Variants in XRN1 observed in about 807,000 individuals in gnomAD.
The protein encoded by XRN1 is strand-exchange protein 1 homolog.
Under a neutral mutation model 222.3 loss-of-function variants are expected in XRN1, and 67 were observed. The observed-to-expected ratio is 0.30, with a 90% confidence interval of 0.25 to 0.37. The LOEUF (loss-of-function observed/expected upper bound fraction) is 0.37. XRN1 is among the 10% of genes least tolerant of loss of function. The pLI is 1.00. For synonymous variants in XRN1, 643 were observed against 652.4 expected (o/e 0.99, Z 0.22); for missense variants, 1,707 against 2,000.2 (o/e 0.85, Z 2.80).
chr3:142,364,342 T>A (rs1363965962), intron 29 of XRN1, among the ~76,000 whole-genome samples: 2 of 152,136 alleles, frequency 1.3e-5, no homozygotes, highest in Non-Finnish European at 2.9e-5. Flanking sequence ...TGGCACTAAC[T>A]TTTTTTGAAT....
At chr3:142,323,461 C>T (rs913745484) in intron 37 of XRN1, among the ~76,000 whole-genome samples, 6 of 151,880 alleles carry the variant, frequency 4.0e-5, no homozygotes, top group African/African-American at 9.7e-5. Flanking sequence ...GGATTACAGA[C>T]GTGAGATACC....
chr3:142,383,392 G>A lies in XRN1; in HGVS notation c.2524C>T (p.Arg842Cys), dbSNP rs781322995. Residue 842 changes from arginine to cysteine, a missense_variant, in exon 22 of 41, where the codon CGT (arginine) becomes TGT (cysteine). Physicochemically the swap from Arg to Cys is radical, Grantham distance 180. Coordinates refer to ENST00000392981, the MANE Select transcript of XRN1 (RefSeq NM_001282857.2). ...IVKDIRAFDS[R>C]FSNIKTLDDL... Reference sequence around the variant, plus strand: ...TCCAATGTTTTGATATTGGAGAAACGGGAGTCGAAAGCTCGGATGTCCTAC... The same window carrying A: ...TCCAATGTTTTGATATTGGAGAAACAGGAGTCGAAAGCTCGGATGTCCTAC... 5.0e-6 allele frequency: 8 copies of A among 1,613,492 alleles called. No individual in the cohort carries two copies. The highest frequency in any genetic ancestry group is 3.3e-5 in the Admixed American group (2 of 59,850).
At chr3:142,387,857 T>TA (rs1434061757) in intron 20 of XRN1, among the ~76,000 whole-genome samples, 1 of 152,040 alleles carries the variant, frequency 6.6e-6, no homozygotes, top group Non-Finnish European at 1.5e-5. Context: ...AACTGACTGT[T>TA]AAAAAGAACC....
intron 14 of XRN1, among the ~76,000 whole-genome samples, chr3:142,413,441 G>C (rs983661275): frequency 5.3e-5 from 8 of 152,138 alleles, no homozygotes; most frequent in African/African-American, 1.7e-4. Flanking sequence ...TTAAGGTTCA[G>C]AAAGATGCAG....
In XRN1 at chr3:142,311,634, A is replaced by C; in HGVS notation, c.4962T>G (p.Phe1654Leu). ...SSPIAQPASSFQVETASQGHS... is the reference protein window; with the variant it reads ...SSPIAQPASSLQVETASQGHS... ...GGCCTTGAGAGGCAGTTTCAACTTG[A>C]AAAGAAGATGCAGGTTGAGCAATCG... The change falls in exon 41 of 41, where the codon TTT becomes TTG. Residue 1654 changes from phenylalanine to leucine, a missense_variant. Physicochemically the swap from Phe to Leu is conservative, Grantham distance 22. Around this residue, in one of 2 missense-constraint regions of XRN1, gnomAD observed 473 missense variants for 482.0 expected, o/e 0.98. Transcript: ENST00000392981. The C allele has an allele frequency of 6.2e-7, 1 of 1,614,140 alleles. No individual in the cohort carries two copies.
chr3:142,360,944 C>T (rs1284493726), intron 29 of XRN1, among the ~76,000 whole-genome samples: 1 of 151,458 alleles, frequency 6.6e-6, no homozygotes. Flanking sequence ...TGATACACTG[C>T]ACATATCTGA....
chr3:142,388,938 T>C (rs1440139334), intron 20 of XRN1, among the ~76,000 whole-genome samples: 7 of 152,250 alleles, frequency 4.6e-5, no homozygotes, highest in Admixed American at 2.6e-4. Context: ...CCGGGTGCAT[T>C]GGCTCATGCC....
intron 8 of XRN1, 37 bp downstream of exon 8, chr3:142,422,545 T>C (rs755778051): frequency 4.7e-5 from 74 of 1,590,714 alleles, no homozygotes; most frequent in Non-Finnish European, 6.1e-5. Flanking sequence ...TGGCACTAAA[T>C]TAAAGTATCC....
At chr3:142,443,807 T>C (rs2070367671) in intron 1 of XRN1, among the ~76,000 whole-genome samples, 1 of 152,258 alleles carries the variant, frequency 6.6e-6, no homozygotes, top group Non-Finnish European at 1.5e-5. Flanking sequence ...CTGTTCACAA[T>C]AGCCAAGATT....
chr3:142,343,369 G>A (rs939849310), intron 33 of XRN1, among the ~76,000 whole-genome samples: 27 of 151,914 alleles, frequency 1.8e-4, no homozygotes, highest in African/African-American at 6.0e-4. Flanking sequence ...CAGGAGAATC[G>A]CTTGAACCAG....
intron 23 of XRN1, 43 bp downstream of exon 23, chr3:142,380,039 G>A: frequency 6.6e-7 from 1 of 1,506,130 alleles, no homozygotes; most frequent in South Asian, 1.3e-5. Flanking sequence ...TATTTTAAAA[G>A]TTTATCAATT....
intron 20 of XRN1, among the ~76,000 whole-genome samples, chr3:142,395,089 G>A (rs2067876977): frequency 6.6e-6 from 1 of 152,176 alleles, no homozygotes; most frequent in Non-Finnish European, 1.5e-5. Flanking sequence ...AACTCCTATT[G>A]TTAGAGCCAT....
intron 14 of XRN1, among the ~76,000 whole-genome samples, chr3:142,413,828 T>C (rs976753411): frequency 1.3e-5 from 2 of 152,316 alleles, no homozygotes; most frequent in South Asian, 2.1e-4. Flanking sequence ...ATAAAGTAGA[T>C]AGCTTCAGAT....
At chr3:142,378,162 A>G (rs1439787564) in intron 23 of XRN1, among the ~76,000 whole-genome samples, 1 of 152,254 alleles carries the variant, frequency 6.6e-6, no homozygotes, top group Non-Finnish European at 1.5e-5. Context: ...CAAATGACAG[A>G]TATCAGAACC....
intron 33 of XRN1, among the ~76,000 whole-genome samples, chr3:142,337,912 G>A (rs1303847945): frequency 6.6e-6 from 1 of 152,188 alleles, no homozygotes; most frequent in Non-Finnish European, 1.5e-5. Context: ...AACCACAGAA[G>A]TTAACCAAAG....
chr3:142,313,238 CTT>C, intron 39 of XRN1: 1 of 1,523,930 alleles, frequency 6.6e-7, no homozygotes, highest in Admixed American at 2.1e-5. Context: ...CAGGTAGAAT[CTT>C]TCTTTTCTCT....
intron 20 of XRN1, among the ~76,000 whole-genome samples, chr3:142,389,906 C>T (rs1023752537): frequency 8.5e-5 from 13 of 152,164 alleles, no homozygotes; most frequent in African/African-American, 2.9e-4. Flanking sequence ...TGTTTGCATG[C>T]GTGAATGGAT....
At chr3:142,345,701 A>G (rs2066126143) in intron 33 of XRN1, among the ~76,000 whole-genome samples, 1 of 152,234 alleles carries the variant, frequency 6.6e-6, no homozygotes, top group African/African-American at 2.4e-5. Context: ...CTTACAAACC[A>G]AGAAAAAAGA....
At chr3:142,328,844 G>A (rs1300332147) in intron 37 of XRN1, among the ~76,000 whole-genome samples, 1 of 145,276 alleles carries the variant, frequency 6.9e-6, no homozygotes, top group African/African-American at 2.5e-5. Context: ...CTGAAGTCCT[G>A]ACCTCCTGGG....
Sources: gnomAD v4.1 joint callset for allele counts (sites outside exome capture counted in the v4.1 genomes callset) on GRCh38, gnomAD v4.1.1 for gene constraint, gnomAD v4.1.1 regional missense constraint, MANE v1.5 for transcripts, NCBI Gene and HGNC (gene_info 2026-07-23, HGNC 2026-07-21) for gene names.